Variants in ITGAE observed in about 807,000 individuals in gnomAD.
The protein encoded by ITGAE is integrin alpha-E.
ITGAE carries 99 observed loss-of-function variants against 136.5 expected under a neutral mutation model. The observed-to-expected ratio is 0.73, with a 90% CI of 0.62 to 0.86. ITGAE has a LOEUF of 0.86. Among genes scored for constraint, ITGAE ranks in the 40% least tolerant of loss-of-function variants. ITGAE has a pLI of 0.00. For missense variants in ITGAE, 1,447 were observed against 1,515.3 expected (o/e 0.95, Z 0.75); for synonymous variants, 613 against 591.8 (o/e 1.04, Z -0.52).
rs1567535728 is a variant in ITGAE at position 3,755,148 on chromosome 17, T to C, written c.1353A>G (p.Ala451=). 1.3e-6 allele frequency: 2 copies of C among 1,487,776 alleles called. No homozygotes were observed. Among genetic ancestry groups the C allele is most frequent in the Non-Finnish European group, 1.8e-6 (2 of 1,104,766 alleles). The allele number at this position is 1,487,776 out of a possible 1,614,324, so 92.2% of individuals were successfully genotyped here. A position where few individuals can be genotyped will look rare whatever the true frequency, so the allele number is the denominator to read the frequency against. The change falls in exon 12 of 31, where the codon GCA becomes GCG. Residue 451 remains alanine (A), a synonymous_variant. Transcript: ENST00000263087. ...AGCTGTACTGCGCAGCCTCCGCGTC[T>C]GCCGCCGCCGCCGCTGTCTGGTTCA... ...RFLNQTAAAA[A]DAEAAQYSYL...
At chr17:3,776,379 C>T (rs1408085931) in intron 2 of ITGAE, among the ~76,000 whole-genome samples, 1 of 152,104 alleles carries the variant, frequency 6.6e-6, no homozygotes, top group South Asian at 2.1e-4. Context: ...AAGCCCTTTA[C>T]ATGCATTATC....
rs1239536212 is a variant in ITGAE, at chr17:3,753,283, C to A, written c.1668+7G>T. On this transcript the variant is annotated splice_region_variant and intron_variant, in intron 14 of 30. Coordinates refer to ENST00000263087, the MANE Select transcript of ITGAE (RefSeq NM_002208.5). ...CAGCAAGCTCATGAAGATGGAGACT[C>A]TCCCACCTGCTCGCTGAGACGGTAC... 1 of 1,612,782 alleles carries A rather than the reference C, an allele frequency of 6.2e-7. No homozygotes were observed. The highest frequency in any genetic ancestry group is 2.2e-5 in the East Asian group (1 of 44,866).
At chr17:3,752,992 G>A (rs1334145505) in intron 14 of ITGAE, among the ~76,000 whole-genome samples, 2 of 152,258 alleles carry the variant, frequency 1.3e-5, no homozygotes, top group Admixed American at 1.3e-4. Flanking sequence ...AGGTTGCGGT[G>A]AGCCAAGATC....
intron 2 of ITGAE, among the ~76,000 whole-genome samples, chr17:3,771,670 G>T (rs1299602298): frequency 6.6e-6 from 1 of 151,138 alleles, no homozygotes; most frequent in Admixed American, 6.6e-5. Flanking sequence ...CTAAGTAGCT[G>T]GGATTACAAG....
chr17:3,728,198 TGAG>T, intron 24 of ITGAE, 30 bp from the exon 25 acceptor site: 1 of 1,565,900 alleles, frequency 6.4e-7, no homozygotes, highest in Non-Finnish European at 8.8e-7. Context: ...CGTCAGCCCT[TGAG>T]GAGTCTTTCT....
intron 30 of ITGAE, among the ~76,000 whole-genome samples, chr17:3,715,269 C>T (rs919084219): frequency 1.3e-5 from 2 of 152,114 alleles, no homozygotes; most frequent in African/African-American, 4.8e-5. Context: ...TCAGTATAGC[C>T]TATGATGCTG....
rs567069365 is a variant in ITGAE at position 3,753,068 on chromosome 17, A to G, written c.1668+222T>C. 1.6e-4 allele frequency among the ~76,000 whole-genome samples: 24 copies of G among 152,318 alleles called. No homozygotes were observed. The South Asian group carries it at 5.0e-3, about 32-fold the overall frequency. ...CATCTCAAAAACAACAACCACAAAA[A>G]AAGAGATATTAGAGATATTATCATC... On this transcript the variant is annotated intron_variant, in intron 14 of 30. Coordinates refer to ENST00000263087, the MANE Select transcript of ITGAE (RefSeq NM_002208.5).
At chr17:3,785,637 A>C (rs1443629300) in intron 1 of ITGAE, among the ~76,000 whole-genome samples, 1 of 152,160 alleles carries the variant, frequency 6.6e-6, no homozygotes, top group Non-Finnish European at 1.5e-5. Context: ...ATTACAGTGG[A>C]ATAGCAAATC....
At position 3,798,418 on chromosome 17, in the gene ITGAE, TC is replaced by T. The variant is rs2143558560; in HGVS notation, c.34+2692del. Among the ~76,000 whole-genome samples, 1 of 152,122 alleles carries T rather than the reference TC, an allele frequency of 6.6e-6. No individual in the cohort carries two copies. Among genetic ancestry groups the T allele is most frequent in the South Asian group, 2.1e-4 (1 of 4,824 alleles). On this transcript the variant is annotated intron_variant, in intron 1 of 30. Coordinates refer to ENST00000263087, the MANE Select transcript of ITGAE (RefSeq NM_002208.5). The surrounding 1 kb of genome is among the most constrained non-coding windows in gnomAD (Gnocchi z 4.3). ...CTCCTGCTCCCACTCACACTTCGCC[TC>T]CATCTTCCTACAAACCAGACTCTTC...
In ITGAE at chr17:3,749,324, C is replaced by G. The variant is rs181949739; in HGVS notation, c.2024+1028G>C. 9.2e-5 allele frequency among the ~76,000 whole-genome samples: 14 copies of G among 151,822 alleles called. No homozygotes were observed. The East Asian group carries it at 1.2e-3, about 13-fold the overall frequency. The stretch of plus-strand genomic sequence containing the variant: ...GGCTGGAGTGCAGTGGCGCGATCTC[C>G]GCTCACTGCAAGCTCCGCCTCCCGG... On this transcript the variant is annotated intron_variant, in intron 16 of 30. Transcript: ENST00000263087.
chr17:3,729,680 C>T lies in ITGAE; in HGVS notation c.2835-125G>A, dbSNP rs568689126. 1.2e-4 allele frequency: 86 copies of T among 704,766 alleles called. 1 individual carries two copies. The highest frequency in any genetic ancestry group is 5.8e-4 in the South Asian group (39 of 66,708). 43.7% of individuals were successfully genotyped at this position (704,766 alleles called of 1,614,324 possible). A position where few individuals can be genotyped will look rare whatever the true frequency, so the allele number is the denominator to read the frequency against. On this transcript the variant is annotated intron_variant, in intron 23 of 30. Transcript: ENST00000263087. ...TGCCGTCTCAGCTCACTGCAACCTCCGCCCCCCGGGTTCAAGCAATTCTCA... is the reference window on the plus strand; with the variant it reads ...TGCCGTCTCAGCTCACTGCAACCTCTGCCCCCCGGGTTCAAGCAATTCTCA...
At position 3,745,865 on chromosome 17, in the gene ITGAE, G is replaced by A; in HGVS notation, c.2218C>T (p.Leu740=). 1 of 1,614,024 alleles carries A rather than the reference G, an allele frequency of 6.2e-7. No individual in the cohort carries two copies. The highest frequency in any genetic ancestry group is 8.5e-7 in the Non-Finnish European group (1 of 1,180,010). ...DVDVGKQRRR[L]QCSDVRSCLG... ...CAGCTTCTTACGTCTGAACACTGCAGCCGTCTCCTCTGCTTCCCCACATCC... is the reference window on the plus strand; with the variant it reads ...CAGCTTCTTACGTCTGAACACTGCAACCGTCTCCTCTGCTTCCCCACATCC... The change falls in exon 18 of 31, where the codon CTG becomes TTG. Residue 740 remains leucine, a synonymous_variant. Coordinates refer to ENST00000263087, the MANE Select transcript of ITGAE (RefSeq NM_002208.5).
chr17:3,727,948 C>T lies in ITGAE; in HGVS notation c.3055G>A (p.Val1019Ile), dbSNP rs781664267. ...GTCCTCGTCAGCTTCTTCACTGCTA[C>T]AACCTGGAGACCTCGTAATTTGGTT... Reference protein sequence around the residue: ...VPTKLRGLQVVAVKKLTRTQA... With the variant: ...VPTKLRGLQVIAVKKLTRTQA... Residue 1019 changes from valine (V) to isoleucine (I), a missense_variant, in exon 26 of 31, where the codon GTA becomes ATA. Physicochemically the swap from Val to Ile is conservative, Grantham distance 29. Transcript: ENST00000263087. 1.2e-6 allele frequency: 2 copies of T among 1,613,956 alleles called. No homozygotes were observed. Among genetic ancestry groups the T allele is most frequent in the South Asian group, 2.2e-5 (2 of 91,082 alleles).
chr17:3,729,091 C>A (rs146378948), intron 24 of ITGAE, among the ~76,000 whole-genome samples: 2 of 151,632 alleles, frequency 1.3e-5, no homozygotes, highest in Admixed American at 1.3e-4. Context: ...ATAAAGTGGT[C>A]GTAGCGCAGT....
rs58434003 is a variant in ITGAE, at chr17:3,741,070, ATTTTT to A, written c.2449-1197_2449-1193del. On this transcript the variant is annotated intron_variant, in intron 19 of 30. Transcript: ENST00000263087. ...AGTTTCATGCAGGGTTTTTTGTTGTATTTTTTTTTTTTTTTTTTTTTTTTTGAGAC... is the reference window on the plus strand; with the variant it reads ...AGTTTCATGCAGGGTTTTTTGTTGTATTTTTTTTTTTTTTTTTTTTGAGAC... Among the ~76,000 whole-genome samples the A allele has an allele frequency of 5.8e-3, 443 of 76,808 alleles. 2 individuals are homozygous for A. Among genetic ancestry groups the A allele is most frequent in the African/African-American group, 0.024 (425 of 18,078 alleles). 50.4% of individuals were successfully genotyped at this position (76,808 alleles called of 152,430 possible).
At chr17:3,734,024 A>AG (rs1434779115) in intron 21 of ITGAE, among the ~76,000 whole-genome samples, 2 of 152,220 alleles carry the variant, frequency 1.3e-5, no homozygotes. Context: ...CAAGAGGGAT[A>AG]GGGGTTCATA....
At chr17:3,765,361 A>AC (rs950855102) in intron 2 of ITGAE, among the ~76,000 whole-genome samples, 4 of 151,336 alleles carry the variant, frequency 2.6e-5, no homozygotes, top group African/African-American at 9.7e-5. Context: ...AAAAAAAAAA[A>AC]AAAAAAAAAG....
chr17:3,780,398 C>T (rs561711762), intron 1 of ITGAE, among the ~76,000 whole-genome samples: 1 of 151,960 alleles, frequency 6.6e-6, no homozygotes, highest in South Asian at 2.1e-4. Context: ...CTCCTGACCT[C>T]GTGATCCGCC....
intron 17 of ITGAE, among the ~76,000 whole-genome samples, chr17:3,746,145 C>T (rs969534179): frequency 2.6e-5 from 4 of 152,202 alleles, no homozygotes; most frequent in Admixed American, 1.3e-4. Flanking sequence ...GCCCCAAACC[C>T]GGAGCAGCAC....
Sources: gnomAD v4.1 joint callset for allele counts (sites outside exome capture counted in the v4.1 genomes callset) on GRCh38, gnomAD v4.1.1 for gene constraint, Gnocchi (gnomAD v3.1) non-coding constraint, MANE v1.5 for transcripts, NCBI Gene and HGNC (gene_info 2026-07-23, HGNC 2026-07-21) for gene names.